The following FMN1 variants were observed in gnomAD, a reference collection of about 807,000 sequenced individuals.
FMN1 encodes the protein formin 1, also known as formin-1.
FMN1 carries 110 observed loss-of-function variants against 132.4 expected under a neutral mutation model. That is an observed-to-expected ratio of 0.83 (90% confidence interval 0.71 to 0.97). FMN1 has a LOEUF of 0.97. Ranked by LOEUF, FMN1 falls within the 50% of genes least tolerant of loss-of-function variation. The pLI, the probability that FMN1 is intolerant of heterozygous loss-of-function variation, is 0.00. For synonymous variants in FMN1, 722 were observed against 651.7 expected (o/e 1.11, Z -1.64); for missense variants, 1,792 against 1,705.3 (o/e 1.05, Z -0.90).
intron 3 of FMN1, among the ~76,000 whole-genome samples, chr15:33,177,923 G>A (rs1250807434): frequency 6.6e-6 from 1 of 152,096 alleles, no homozygotes; most frequent in Non-Finnish European, 1.5e-5. Flanking sequence ...CAGGAGAATT[G>A]CTTGAACCCA....
At chr15:33,067,299 T>C (rs2037783727) in intron 5 of FMN1, 4 of 1,613,904 alleles carry the variant, frequency 2.5e-6, no homozygotes, top group Non-Finnish European at 3.4e-6. Context: ...GCACCATTCA[T>C]TTCCCCAGTG....
Position 32,969,491 on chromosome 15 carries a change from C to T in FMN1, c.2224-14G>A. Reference sequence around the variant, plus strand: ...TTCAAACTGTGCCTATAGGAAAATTCAGAGGGAAAGAAAGTAATGAGTTTA... The same window carrying T: ...TTCAAACTGTGCCTATAGGAAAATTTAGAGGGAAAGAAAGTAATGAGTTTA... On this transcript the variant is annotated splice_polypyrimidine_tract_variant and intron_variant, in intron 7 of 20. Coordinates refer to ENST00000616417, the MANE Select transcript of FMN1 (RefSeq NM_001277313.2). 2 of 1,609,944 alleles carry T rather than the reference C, an allele frequency of 1.2e-6. No homozygotes were observed. The highest frequency in any genetic ancestry group is 1.7e-6 in the Non-Finnish European group (2 of 1,177,968).
intron 6 of FMN1, among the ~76,000 whole-genome samples, chr15:33,028,946 G>A (rs377621131): frequency 5.9e-5 from 9 of 152,264 alleles, no homozygotes; most frequent in African/African-American, 2.2e-4. Flanking sequence ...ATAGAAAACA[G>A]ATAAATTTGC....
chr15:32,849,741 T>C (rs4780047), intron 17 of FMN1, among the ~76,000 whole-genome samples: 117,108 of 151,914 alleles, frequency 0.77, 45,439 homozygotes, highest in Middle Eastern at 0.82. Flanking sequence ...ACTGCAACCT[T>C]TGCTTCCTGG....
At chr15:32,824,534 C>T (rs1026360006) in intron 17 of FMN1, among the ~76,000 whole-genome samples, 3 of 152,274 alleles carry the variant, frequency 2.0e-5, no homozygotes, top group Middle Eastern at 3.4e-3. Flanking sequence ...GCTCTGTTCC[C>T]GCCACTGGCT....
Position 33,153,673 on chromosome 15 carries a change from C to T in FMN1, c.1242G>A (p.Glu414=). The change falls in exon 4 of 21, where the codon GAG becomes GAA. Residue 414 remains glutamate (E), a synonymous_variant. Transcript: ENST00000616417. ...ASISSVSASA[E]GAVNKVPLKV... ...TCAGGGGGACCTTGTTCACGGCCCC[C>T]TCGGCACTGGCCGACACACTAGAAA... 1.3e-6 allele frequency: 2 copies of T among 1,536,412 alleles called. No individual in the cohort carries two copies.
chr15:32,867,757 C>A (rs2059426589), intron 16 of FMN1, among the ~76,000 whole-genome samples: 1 of 152,184 alleles, frequency 6.6e-6, no homozygotes, highest in Non-Finnish European at 1.5e-5. Context: ...TCCCAAAGTG[C>A]TGGGATTACA....
At chr15:33,097,942 T>C (rs894007447) in intron 4 of FMN1, among the ~76,000 whole-genome samples, 1 of 152,320 alleles carries the variant, frequency 6.6e-6, no homozygotes. Flanking sequence ...ACAGTAACTG[T>C]AGAATATGTA....
At chr15:32,783,686 A>G (rs1398572686) in intron 19 of FMN1, among the ~76,000 whole-genome samples, 1 of 131,256 alleles carries the variant, frequency 7.6e-6, no homozygotes, top group Admixed American at 9.1e-5. Context: ...GGGAGCTTGC[A>G]GTGAGCTGAG....
rs75144062 is a variant in FMN1 at position 32,770,685 on chromosome 15, C to T, written c.*3625G>A. The stretch of plus-strand genomic sequence containing the variant: ...GAGGCTGAGAAGAGGTTTGCAGCTT[C>T]TACTGTCCTTGATAGGGGAGGGGAG... On this transcript the variant is annotated 3_prime_UTR_variant, in exon 21 of 21. Coordinates refer to ENST00000616417, the MANE Select transcript of FMN1 (RefSeq NM_001277313.2). 22,359 of 152,170 alleles carry T rather than the reference C, an allele frequency of 0.15. 1,730 individuals are homozygous for T. Among genetic ancestry groups the T allele is most frequent in the Non-Finnish European group, 0.17 (11,327 of 68,022 alleles). 9.4% of individuals were successfully genotyped at this position (152,170 alleles called of 1,614,324 possible).
chr15:33,031,383 C>T (rs1427193721), intron 6 of FMN1, among the ~76,000 whole-genome samples: 1 of 152,184 alleles, frequency 6.6e-6, no homozygotes, highest in African/African-American at 2.4e-5. Flanking sequence ...TTGCAATCCA[C>T]AGGGCAGATC....
chr15:33,011,525 G>T (rs2034721753), intron 6 of FMN1, among the ~76,000 whole-genome samples: 1 of 150,368 alleles, frequency 6.7e-6, no homozygotes. Flanking sequence ...ATAGAAAAAA[G>T]ATTTCTTAAT....
chr15:33,004,840 A>G (rs2034323047), intron 7 of FMN1, among the ~76,000 whole-genome samples: 1 of 152,234 alleles, frequency 6.6e-6, no homozygotes, highest in Non-Finnish European at 1.5e-5. Flanking sequence ...CATATACACC[A>G]TGGAATACTA....
intron 17 of FMN1, among the ~76,000 whole-genome samples, chr15:32,836,102 C>T (rs2058618478): frequency 6.6e-6 from 1 of 152,042 alleles, no homozygotes; most frequent in Non-Finnish European, 1.5e-5. Context: ...CTCAGGTGAT[C>T]CTCCCACTTT....
intron 14 of FMN1, 138 bp downstream of exon 14, chr15:32,899,841 A>G: frequency 1.1e-6 from 1 of 886,912 alleles, no homozygotes; most frequent in East Asian, 2.5e-5. Context: ...AGCAAACAAA[A>G]AAATGCATGC....
chr15:33,125,425 C>G (rs1471366684), intron 4 of FMN1, among the ~76,000 whole-genome samples: 1 of 144,060 alleles, frequency 6.9e-6, no homozygotes, highest in Non-Finnish European at 1.5e-5. Flanking sequence ...TACCAGTGCA[C>G]TAAGACAATA....
intron 6 of FMN1, 142 bp from the exon 7 acceptor site, chr15:33,008,217 G>T: frequency 1.5e-6 from 1 of 681,536 alleles, no homozygotes; most frequent in African/African-American, 1.8e-5. Flanking sequence ...AAAAATTACA[G>T]AAAGATAGGA....
chr15:32,962,472 A>T (rs989000807), intron 9 of FMN1, among the ~76,000 whole-genome samples: 1 of 151,908 alleles, frequency 6.6e-6, no homozygotes, highest in African/African-American at 2.4e-5. Context: ...CAATGGCAAC[A>T]AAAGACAAAA....
At position 32,767,678 on chromosome 15, in the gene FMN1, T is replaced by C. The variant is rs1002692658; in HGVS notation, c.*6632A>G. 1 of 152,250 alleles carries C rather than the reference T, an allele frequency of 6.6e-6. No individual in the cohort carries two copies. The highest frequency in any genetic ancestry group is 1.5e-5 in the Non-Finnish European group (1 of 68,036). 9.4% of individuals were successfully genotyped at this position (152,250 alleles called of 1,614,324 possible). On this transcript the variant is annotated 3_prime_UTR_variant, in exon 21 of 21. Transcript: ENST00000616417. ...TATTAATGCATACTCTCTTTGAAGATAAGACATCTAGCTGACAGTAGGGTC... is the reference window on the plus strand; with the variant it reads ...TATTAATGCATACTCTCTTTGAAGACAAGACATCTAGCTGACAGTAGGGTC...
Sources: allele counts gnomAD v4.1 joint callset (sites outside exome capture counted in the v4.1 genomes callset), GRCh38; gene constraint gnomAD v4.1.1; transcripts MANE v1.5; gene names NCBI Gene and HGNC (gene_info 2026-07-23, HGNC 2026-07-21).